LSMEM1: variants seen among roughly 807,000 people sequenced by gnomAD.
LSMEM1 encodes the protein leucine rich single-pass membrane protein 1, also known as leucine-rich single-pass membrane protein 1.
In LSMEM1, 10 loss-of-function variants were observed where a neutral mutation model predicts 11.3. That is an observed-to-expected ratio of 0.89 (90% CI 0.55 to 1.50). The LOEUF is 1.50. Among genes scored for constraint, LSMEM1 ranks in the 40% most tolerant of loss-of-function variants. The pLI is 0.00. For missense variants in LSMEM1, 151 were observed against 152.9 expected, an observed-to-expected ratio of 0.99 and a Z score of 0.06; for synonymous variants, 65 against 59.3, an observed-to-expected ratio of 1.10 and a Z score of -0.44.
upstream of LSMEM1, among the ~76,000 whole-genome samples, chr7:112,480,528 C>T (rs1212932363): frequency 8.5e-5 from 13 of 152,316 alleles, 1 homozygote; most frequent in South Asian, 2.5e-3. Flanking sequence ...TAGTTGGTCT[C>T]CTCATCACTG....
chr7:112,485,900 G>A (rs62474608), intron 2 of LSMEM1, among the ~76,000 whole-genome samples: 12,877 of 151,052 alleles, frequency 0.085, 751 homozygotes, highest in Non-Finnish European at 0.13. Context: ...AGGTTTCTGC[G>A]TTGCTTATTC....
upstream of LSMEM1, chr7:112,480,714 T>A (rs958856944): frequency 7.0e-6 from 3 of 431,312 alleles, no homozygotes; most frequent in Non-Finnish European, 1.4e-5. Flanking sequence ...CTGTGGTGGG[T>A]CTGTATCCAT....
At chr7:112,485,989 G>C (rs1024791247) in intron 2 of LSMEM1, 1 of 151,628 alleles carries the variant, frequency 6.6e-6, no homozygotes, top group African/African-American at 2.4e-5. Flanking sequence ...TTCTTGGTTT[G>C]AGTGAACCAA....
At chr7:112,488,112 C>T (rs1050829047) in intron 3 of LSMEM1, among the ~76,000 whole-genome samples, 3 of 152,148 alleles carry the variant, frequency 2.0e-5, no homozygotes, top group African/African-American at 4.8e-5. Flanking sequence ...TTTATCTAGC[C>T]TCTGGAGAAA....
At chr7:112,480,892 T>C (rs942515533), upstream of LSMEM1, 95 of 456,176 alleles carry the variant, frequency 2.1e-4, no homozygotes, top group Non-Finnish European at 3.4e-4. Context: ...AGCTTCCGCC[T>C]GCTACAGGAT....
intron 1 of LSMEM1, 52 bp from the exon 2 acceptor site, chr7:112,484,760 G>A: frequency 6.3e-7 from 1 of 1,583,422 alleles, no homozygotes; most frequent in South Asian, 1.2e-5. Context: ...TTCTTGTGAA[G>A]TTGAGTTCAC....
chr7:112,485,034 A>C (rs3095027), intron 2 of LSMEM1, 91 bp downstream of exon 2: 420,550 of 1,269,480 alleles, frequency 0.33, 75,280 homozygotes, highest in Non-Finnish European at 0.37. Flanking sequence ...GGTGTGGTGG[A>C]GGGGGAGGGG....
chr7:112,486,288 T>C (rs567947748), intron 2 of LSMEM1: 36 of 408,380 alleles, frequency 8.8e-5, no homozygotes, highest in African/African-American at 3.5e-4. Flanking sequence ...CTTCTATCAC[T>C]CTTAGCCTTT....
chr7:112,487,636 T>C (rs1393077396), intron 3 of LSMEM1, among the ~76,000 whole-genome samples: 1 of 152,236 alleles, frequency 6.6e-6, no homozygotes, highest in Admixed American at 6.5e-5. Context: ...TGTCGTGACC[T>C]TGAGTGGTGA....
rs1299082910 is a variant in LSMEM1, at chr7:112,484,875, A to G, written c.59A>G (p.Tyr20Cys). 1.1e-5 allele frequency: 17 copies of G among 1,613,716 alleles called. No individual in the cohort carries two copies. The highest frequency in any genetic ancestry group is 1.4e-5 in the Non-Finnish European group (16 of 1,179,824). ...SCGIQEDGKL[Y>C]VVDSINDLNK... ...GGCATTCAGGAAGATGGAAAGCTTT[A>G]TGTGGTGGATTCCATAAATGACTTA... The change falls in exon 2 of 4, where the codon TAT becomes TGT. Residue 20 changes from tyrosine (Y) to cysteine (C), a missense_variant. Tyr to Cys is a radical substitution (Grantham distance 194, BLOSUM62 -2). Coordinates refer to ENST00000312849, the MANE Select transcript of LSMEM1 (RefSeq NM_182597.3).
At chr7:112,480,909 A>G (rs1396194040), upstream of LSMEM1, 10 of 456,132 alleles carry the variant, frequency 2.2e-5, no homozygotes, top group Non-Finnish European at 3.5e-5. Flanking sequence ...GGATATTTAT[A>G]TATGGAAGCA....
chr7:112,482,082 G>C (rs1796042966), intron 1 of LSMEM1, among the ~76,000 whole-genome samples: 1 of 152,194 alleles, frequency 6.6e-6, no homozygotes, highest in Non-Finnish European at 1.5e-5. Context: ...TGAGTCATTT[G>C]CAAGTCATTT....
rs1360634870 is a variant in LSMEM1 at position 112,484,839 on chromosome 7, C to A, written c.23C>A (p.Thr8Asn). 2 of 1,613,566 alleles carry A rather than the reference C, an allele frequency of 1.2e-6. No homozygotes were observed. The highest frequency in any genetic ancestry group is 4.5e-5 in the East Asian group (2 of 44,866). Reference sequence around the variant, plus strand: ...ACAATGACTCATTCTTCCCAGGACACTGGTTCTTGTGGCATTCAGGAAGAT... The same window carrying A: ...ACAATGACTCATTCTTCCCAGGACAATGGTTCTTGTGGCATTCAGGAAGAT... MTHSSQDTGSCGIQEDGK... is the reference protein window; with the variant it reads MTHSSQDNGSCGIQEDGK... The change falls in exon 2 of 4, where the codon ACT becomes AAT. Residue 8 changes from threonine (T) to asparagine (N), a missense_variant. Transcript: ENST00000312849.
chr7:112,488,718 T>A (rs1335775435), intron 3 of LSMEM1, among the ~76,000 whole-genome samples: 1 of 152,146 alleles, frequency 6.6e-6, no homozygotes, highest in East Asian at 1.9e-4. Flanking sequence ...TGCCTCAGCC[T>A]CCCAAGTAGC....
At chr7:112,484,169 C>G (rs897975167) in intron 1 of LSMEM1, among the ~76,000 whole-genome samples, 1 of 152,182 alleles carries the variant, frequency 6.6e-6, no homozygotes, top group Non-Finnish European at 1.5e-5. Context: ...TCTATAGCAG[C>G]TAAGTTTGCT....
intron 3 of LSMEM1, 144 bp from the exon 4 acceptor site, chr7:112,489,666 G>C (rs567221941): frequency 6.9e-5 from 59 of 857,064 alleles, no homozygotes; most frequent in Middle Eastern, 3.7e-4. Context: ...TTCTCTACTG[G>C]GCTTCTGGCA....
At chr7:112,482,371 TTTCTAGCTAGG>T (rs1796048464) in intron 1 of LSMEM1, among the ~76,000 whole-genome samples, 1 of 152,224 alleles carries the variant, frequency 6.6e-6, no homozygotes, top group Non-Finnish European at 1.5e-5. Context: ...TGGCCATGAT[TTTCTAGCTAGG>T]TCTCTATTTT....
chr7:112,486,429 T>G (rs1253546166), intron 2 of LSMEM1: 1 of 439,066 alleles, frequency 2.3e-6, no homozygotes. Context: ...TGAATACCAA[T>G]AGAGAAGAAG....
chr7:112,486,980 T>C lies in LSMEM1; in HGVS notation c.185T>C (p.Leu62Pro), dbSNP rs752280520. The C allele has an allele frequency of 1.9e-6, 3 of 1,614,200 alleles. No homozygotes were observed. The highest frequency in any genetic ancestry group is 1.1e-5 in the South Asian group (1 of 91,086). Residue 62 changes from leucine (L) to proline (P), a missense_variant, in exon 3 of 4, where the codon CTG (leucine) becomes CCG (proline). Transcript: ENST00000312849. ...AACTCAGGAAATGGAAGCCGGAGTC[T>C]GTTTTTTGTGGGGCTGCTAATTGTG... ...GTNSGNGSRS[L>P]FFVGLLIVLI...
Sources: gnomAD v4.1 joint callset for allele counts (sites outside exome capture counted in the v4.1 genomes callset) on GRCh38, gnomAD v4.1.1 for gene constraint, MANE v1.5 for transcripts, NCBI Gene and HGNC (gene_info 2026-07-23, HGNC 2026-07-21) for gene names.